The following RBFOX3 variants were observed in gnomAD, a reference collection of about 807,000 sequenced individuals.
The protein encoded by RBFOX3 is RNA binding fox-1 homolog 3.
Under a neutral mutation model 48.7 loss-of-function variants are expected in RBFOX3, and 17 were observed. The ratio of observed to expected loss-of-function variants is 0.35; its 90% confidence interval spans 0.24 to 0.52. The LOEUF (loss-of-function observed/expected upper bound fraction) is 0.52. RBFOX3 is among the 20% of genes least tolerant of loss of function. The pLI, the probability that RBFOX3 is intolerant of heterozygous loss-of-function variation, is 0.94. For synonymous variants in RBFOX3, 212 were observed against 209.5 expected, an observed-to-expected ratio of 1.01 and a Z score of -0.10; for missense variants, 382 against 497.5, an observed-to-expected ratio of 0.77 and a Z score of 2.21.
At chr17:79,557,254 A>T in intron 1 of RBFOX3, among the ~76,000 whole-genome samples, 1 of 150,250 alleles carries the variant, frequency 6.7e-6, no homozygotes, top group Non-Finnish European at 1.5e-5. Flanking sequence ...AAAAAAGGAA[A>T]GGAAAGGAAA....
chr17:79,208,342 C>T (rs544131295), intron 4 of RBFOX3: 1 of 152,540 alleles, frequency 6.6e-6, no homozygotes, highest in African/African-American at 2.4e-5. Context: ...CCTCGACCGC[C>T]TGGAAACCAA....
intron 1 of RBFOX3, among the ~76,000 whole-genome samples, chr17:79,582,748 A>C (rs2093115401): frequency 7.8e-6 from 1 of 127,524 alleles, no homozygotes. Context: ...GCGCCACTGC[A>C]CTCCAGCCTG....
chr17:79,377,486 C>T (rs144315560), intron 2 of RBFOX3, among the ~76,000 whole-genome samples: 1 of 152,204 alleles, frequency 6.6e-6, no homozygotes, highest in African/African-American at 2.4e-5. Context: ...CCATGCTCAG[C>T]GACATCACTC....
Position 79,362,795 on chromosome 17 carries a change from G to A in RBFOX3, c.-174-54971C>T, listed in dbSNP as rs748057127. On this transcript the variant is annotated intron_variant, in intron 2 of 14. Coordinates refer to ENST00000693108, the MANE Select transcript of RBFOX3 (RefSeq NM_001350451.2). This position sits in a 1 kb window ranked among gnomAD's most constrained non-coding sequence, Gnocchi z 4.2. ...AAGGCCACCAGAGCTGGAATTTGTT[G>A]CCACAGCTATGAGAGAGGGGTAAAG... Among the ~76,000 whole-genome samples, 110 of 152,304 alleles carry A rather than the reference G, an allele frequency of 7.2e-4. No individual in the cohort carries two copies. Among genetic ancestry groups the A allele is most frequent in the Non-Finnish European group, 8.2e-4 (56 of 68,018 alleles).
chr17:79,184,998 G>A (rs1195408623), intron 4 of RBFOX3, among the ~76,000 whole-genome samples: 1 of 152,250 alleles, frequency 6.6e-6, no homozygotes, highest in Admixed American at 6.5e-5. Flanking sequence ...AAGGAAGGGA[G>A]GGAGAGAAGG....
the RBFOX3 span, among the ~76,000 whole-genome samples, chr17:79,620,036 T>TATGCACACACGCAC: frequency 4.2e-5 from 5 of 118,752 alleles, no homozygotes; most frequent in Admixed American, 3.2e-4. Flanking sequence ...CACACATGCA[T>TATGCACACACGCAC]ATGCACACAC....
chr17:79,287,795 G>A (rs1292928950), intron 3 of RBFOX3, among the ~76,000 whole-genome samples: 1 of 152,200 alleles, frequency 6.6e-6, no homozygotes, highest in African/African-American at 2.4e-5. Flanking sequence ...GAAGCTTCCT[G>A]GACACCTTGG....
chr17:79,433,134 G>A (rs1450631585), intron 2 of RBFOX3, among the ~76,000 whole-genome samples: 6 of 152,128 alleles, frequency 3.9e-5, no homozygotes, highest in East Asian at 1.9e-4. Flanking sequence ...AGGGAGACAC[G>A]GTCACTCAGA....
intron 5 of RBFOX3, among the ~76,000 whole-genome samples, chr17:79,109,976 T>A (rs926280157): frequency 5.3e-5 from 8 of 152,096 alleles, no homozygotes; most frequent in Non-Finnish European, 1.0e-4. Flanking sequence ...GTGGGTTCAA[T>A]GGCTGTGAAA....
chr17:79,462,944 T>C (rs1349449534), intron 2 of RBFOX3, among the ~76,000 whole-genome samples: 1 of 152,136 alleles, frequency 6.6e-6, no homozygotes, highest in Non-Finnish European at 1.5e-5. Flanking sequence ...TCTTTGAGCA[T>C]CGTTCGATTG....
chr17:79,227,251 A>G (rs1249865935), intron 4 of RBFOX3, among the ~76,000 whole-genome samples: 2 of 152,212 alleles, frequency 1.3e-5, no homozygotes, highest in African/African-American at 2.4e-5. Flanking sequence ...AAGTCCTGAG[A>G]GGTCCAGCGA....
chr17:79,548,166 C>A (rs1036778353), intron 1 of RBFOX3, among the ~76,000 whole-genome samples: 1 of 152,208 alleles, frequency 6.6e-6, no homozygotes, highest in South Asian at 2.1e-4. Flanking sequence ...AAAGAAAGGG[C>A]GGCAGGTAGG....
intron 1 of RBFOX3, among the ~76,000 whole-genome samples, chr17:79,497,983 C>T (rs2081803900): frequency 6.6e-6 from 1 of 152,184 alleles, no homozygotes; most frequent in Non-Finnish European, 1.5e-5. Context: ...GCAGGAGGCT[C>T]CAGAAGGTTA....
chr17:79,332,988 G>C (rs1458682572), intron 2 of RBFOX3, among the ~76,000 whole-genome samples: 2 of 151,642 alleles, frequency 1.3e-5, no homozygotes, highest in African/African-American at 4.9e-5. Context: ...TAGAGAGACA[G>C]AGAGAGAGAA....
At chr17:79,370,571 TCA>T (rs2058391904) in intron 2 of RBFOX3, among the ~76,000 whole-genome samples, 1 of 144,296 alleles carries the variant, frequency 6.9e-6, no homozygotes, top group African/African-American at 2.7e-5. Context: ...GTGTGCTCAC[TCA>T]CACAGGCACA....
intron 1 of RBFOX3, among the ~76,000 whole-genome samples, chr17:79,523,842 GAAGGTAGAT>G (rs1424998714): frequency 6.6e-6 from 1 of 152,184 alleles, no homozygotes; most frequent in African/African-American, 2.4e-5. Context: ...CTTGATTTCA[GAAGGTAGAT>G]AAGAGTTCGG....
At chr17:79,635,059 C>CAAAAAAAAAAAAAAAAA in the RBFOX3 span, among the ~76,000 whole-genome samples, 1 of 53,494 alleles carries the variant, frequency 1.9e-5, no homozygotes, top group Non-Finnish European at 3.7e-5. Context: ...GACTCCATCT[C>CAAAAAAAAAAAAAAAAA]AAAAAAAAAA....
chr17:79,457,526 C>A (rs2074714703), intron 2 of RBFOX3, among the ~76,000 whole-genome samples: 1 of 152,238 alleles, frequency 6.6e-6, no homozygotes, highest in South Asian at 2.1e-4. Context: ...AGCGGCTCTT[C>A]CTGAAGCCCA....
chr17:79,123,182 T>C (rs536468383), intron 4 of RBFOX3, among the ~76,000 whole-genome samples: 1 of 152,268 alleles, frequency 6.6e-6, no homozygotes, highest in East Asian at 1.9e-4. Context: ...AATAACTTAA[T>C]TGTACACTTA....
Sources: gnomAD v4.1 joint callset for allele counts (sites outside exome capture counted in the v4.1 genomes callset) on GRCh38, gnomAD v4.1.1 for gene constraint, Gnocchi (gnomAD v3.1) non-coding constraint, MANE v1.5 for transcripts, NCBI Gene and HGNC (gene_info 2026-07-23, HGNC 2026-07-21) for gene names.